WDR83: variants seen among roughly 807,000 people sequenced by gnomAD.
The protein encoded by WDR83 is WD repeat domain-containing protein 83.
In WDR83, 37 loss-of-function variants were observed where a neutral mutation model predicts 37.7. That is an observed-to-expected ratio of 0.98 (90% CI 0.76 to 1.29). The LOEUF (loss-of-function observed/expected upper bound fraction) is 1.29, where lower values mean the gene tolerates loss of function less well. Among genes scored for constraint, WDR83 ranks in the 50% most tolerant of loss-of-function variants. WDR83 has a pLI of 0.00. For missense variants in WDR83, 445 were observed against 414.4 expected (o/e 1.07, Z -0.64); for synonymous variants, 174 against 181.1 (o/e 0.96, Z 0.31).
chr19:12,668,028 C>T (rs528725641), intron 1 of WDR83: 29 of 285,946 alleles, frequency 1.0e-4, no homozygotes, highest in Non-Finnish European at 1.3e-4. Flanking sequence ...GAGCCCTTCC[C>T]GCCAGGTAGG....
chr19:12,669,441 G>A (rs1019477629), intron 2 of WDR83: 14 of 1,571,240 alleles, frequency 8.9e-6, no homozygotes, highest in Non-Finnish European at 1.0e-5. Context: ...TTCCGCTGCA[G>A]GAATCGCAGC....
chr19:12,669,830 C>T lies in WDR83; in HGVS notation c.40C>T (p.Pro14Ser), dbSNP rs897079522. Reference sequence around the variant, plus strand: ...GCCAAAGCCGCGGCCTCCAGAGCTGCCGCAGAAACGGTTGAAGACGCTGGA... The same window carrying T: ...GCCAAAGCCGCGGCCTCCAGAGCTGTCGCAGAAACGGTTGAAGACGCTGGA... ...PEPKPRPPEL[P>S]QKRLKTLDCG... Residue 14 changes from proline (P) to serine (S), a missense_variant, in exon 3 of 11, where the codon CCG becomes TCG. Pro to Ser is a moderately conservative substitution (Grantham distance 74, BLOSUM62 -1). Transcript: ENST00000418543. 48 of 1,612,006 alleles carry T rather than the reference C, an allele frequency of 3.0e-5. No individual in the cohort carries two copies. The highest frequency in any genetic ancestry group is 3.9e-5 in the Non-Finnish European group (46 of 1,178,992).
chr19:12,670,197 G>C lies in WDR83; in HGVS notation c.242G>C (p.Ser81Thr). The stretch of plus-strand genomic sequence containing the variant: ...TACTCCAGCTCCTTTGACAACAGTA[G>C]TCTCTGCTCCGGCGGCGGGGACAAG... Reference protein sequence around the residue: ...LDAAGSFDNSSLCSGGGDKAV... With the variant: ...LDAAGSFDNSTLCSGGGDKAV... Residue 81 changes from serine to threonine, a missense_variant, in exon 5 of 11, where the codon AGT (serine) becomes ACT (threonine). Coordinates refer to ENST00000418543, the MANE Select transcript of WDR83 (RefSeq NM_001099737.3). The C allele has an allele frequency of 6.2e-7, 1 of 1,614,070 alleles. No individual in the cohort carries two copies. Among genetic ancestry groups the C allele is most frequent in the Non-Finnish European group, 8.5e-7 (1 of 1,180,008 alleles).
intron 1 of WDR83, chr19:12,667,934 A>G (rs1321862857): frequency 1.1e-5 from 2 of 177,674 alleles, no homozygotes; most frequent in Admixed American, 1.1e-4. Context: ...CTAGCACCTG[A>G]CTTAAGACAC....
intron 5 of WDR83, 75 bp downstream of exon 5, chr19:12,670,360 C>T: frequency 4.6e-6 from 7 of 1,537,438 alleles, no homozygotes; most frequent in Non-Finnish European, 6.2e-6. Context: ...CACGGCCACC[C>T]CCATTACACC....
In WDR83 at chr19:12,670,266, A is replaced by C. The variant is rs1340098694; in HGVS notation, c.311A>C (p.Lys104Thr). Residue 104 changes from lysine to threonine, a missense_variant, in exon 5 of 11, where the codon AAA becomes ACA. Transcript: ENST00000418543. ...WDVASGQVVR[K>T]FRGHAGKVNT... ...GTGGCATCAGGGCAGGTCGTGCGCA[A>C]ATTCCGGGGCCACGCAGGGGTGAGT... is the stretch of plus-strand genomic sequence containing the variant. The C allele has an allele frequency of 6.2e-7, 1 of 1,614,038 alleles. No individual in the cohort carries two copies. Among genetic ancestry groups the C allele is most frequent in the Non-Finnish European group, 8.5e-7 (1 of 1,179,962 alleles).
At chr19:12,675,476 G>T in intron 10 of WDR83, 47 bp from the exon 11 acceptor site, 1 of 1,583,812 alleles carries the variant, frequency 6.3e-7, no homozygotes, top group Non-Finnish European at 8.6e-7. Context: ...CAGAAACCAG[G>T]GTACAGCCCA....
chr19:12,670,232 C>A lies in WDR83; in HGVS notation c.277C>A (p.Leu93Met), dbSNP rs1486878897. 1 of 1,614,122 alleles carries A rather than the reference C, an allele frequency of 6.2e-7. No homozygotes were observed. Among genetic ancestry groups the A allele is most frequent in the African/African-American group, 1.3e-5 (1 of 75,032 alleles). Residue 93 changes from leucine (L) to methionine (M), a missense_variant, in exon 5 of 11, where the codon CTG (leucine) becomes ATG (methionine). By Grantham distance (15) the Leu-to-Met change is conservative (BLOSUM62 2). Coordinates refer to ENST00000418543, the MANE Select transcript of WDR83 (RefSeq NM_001099737.3). ...CGGCGGCGGGGACAAGGCGGTGGTT[C>A]TGTGGGATGTGGCATCAGGGCAGGT... ...CSGGGDKAVVLWDVASGQVVR... is the reference protein window; with the variant it reads ...CSGGGDKAVVMWDVASGQVVR...
At position 12,670,244 on chromosome 19, in the gene WDR83, G is replaced by C; in HGVS notation, c.289G>C (p.Ala97Pro). 6.2e-7 allele frequency: 1 copy of C among 1,614,104 alleles called. No individual in the cohort carries two copies. Among genetic ancestry groups the C allele is most frequent in the South Asian group, 1.1e-5 (1 of 91,066 alleles). Residue 97 changes from alanine (A) to proline (P), a missense_variant, in exon 5 of 11, where the codon GCA becomes CCA. By Grantham distance (27) the Ala-to-Pro change is conservative (BLOSUM62 -1). Transcript: ENST00000418543. ...CAAGGCGGTGGTTCTGTGGGATGTG[G>C]CATCAGGGCAGGTCGTGCGCAAATT... ...GDKAVVLWDV[A>P]SGQVVRKFRG...
In WDR83 at chr19:12,675,823, T is replaced by C. The variant is rs2024561668; in HGVS notation, c.*151T>C. ...AATAGAAGAGGGGGTAAGACCTTCC[T>C]GGGACCGCAGCCGCTCAGTCCTCGT... On this transcript the variant is annotated 3_prime_UTR_variant, in exon 11 of 11. Coordinates refer to ENST00000418543, the MANE Select transcript of WDR83 (RefSeq NM_001099737.3). 4 of 1,579,316 alleles carry C rather than the reference T, an allele frequency of 2.5e-6. No individual in the cohort carries two copies. The highest frequency in any genetic ancestry group is 2.2e-5 in the East Asian group (1 of 44,458).
rs1213928098 is a variant in WDR83 at position 12,669,814 on chromosome 19, G to A, written c.24G>A (p.Pro8=). 1 of 1,609,872 alleles carries A rather than the reference G, an allele frequency of 6.2e-7. No homozygotes were observed. The highest frequency in any genetic ancestry group is 1.3e-5 in the African/African-American group (1 of 74,796). ...GCATGGCTTTCCCTGAGCCAAAGCC[G>A]CGGCCTCCAGAGCTGCCGCAGAAAC... MAFPEPK[P]RPPELPQKRL... Residue 8 remains proline, a synonymous_variant, in exon 3 of 11, where the codon CCG becomes CCA. Coordinates refer to ENST00000418543, the MANE Select transcript of WDR83 (RefSeq NM_001099737.3).
rs761639957 is a variant in WDR83 at position 12,675,753 on chromosome 19, T to C, written c.*81T>C. ...CAGATACCATCTTATTCTAGAGACG[T>C]AGCTGACCAAAAAGTAGGGGAGGGG... On this transcript the variant is annotated 3_prime_UTR_variant, in exon 11 of 11. Coordinates refer to ENST00000418543, the MANE Select transcript of WDR83 (RefSeq NM_001099737.3). 35 of 1,568,202 alleles carry C rather than the reference T, an allele frequency of 2.2e-5. No homozygotes were observed. The highest frequency in any genetic ancestry group is 2.4e-5 in the Non-Finnish European group (28 of 1,156,634).
At chr19:12,669,724 G>A in intron 2 of WDR83, 31 bp from the exon 3 acceptor site, 3 of 1,462,512 alleles carry the variant, frequency 2.1e-6, no homozygotes, top group Non-Finnish European at 2.8e-6. Flanking sequence ...ACCCAAGCGT[G>A]GGTTTCTAAG....
chr19:12,667,468 A>T (rs1471905807), intron 1 of WDR83, among the ~76,000 whole-genome samples: 2 of 152,082 alleles, frequency 1.3e-5, no homozygotes, highest in African/African-American at 2.4e-5. Flanking sequence ...AAAACACAAA[A>T]TTTGTAATTT....
intron 10 of WDR83, among the ~76,000 whole-genome samples, chr19:12,673,815 T>TCAGCCTCCTGAG (rs1198752680): frequency 1.3e-5 from 2 of 152,252 alleles, no homozygotes; most frequent in African/African-American, 4.8e-5. Flanking sequence ...TTCTCATGTC[T>TCAGCCTCCTGAG]CAGCCTCCTG....
chr19:12,673,184 G>A lies in WDR83; in HGVS notation c.684-18G>A, dbSNP rs575583725. The A allele has an allele frequency of 3.9e-5, 63 of 1,613,766 alleles. No individual in the cohort carries two copies. The highest frequency in any genetic ancestry group is 1.2e-4 in the Admixed American group (7 of 59,994). On this transcript the variant is annotated intron_variant, in intron 9 of 10. Coordinates refer to ENST00000418543, the MANE Select transcript of WDR83 (RefSeq NM_001099737.3). Reference sequence around the variant, plus strand: ...ACCCCTGGAGAGGACCAAGCCCCCCGATCCTGTCCACCCTTAGGTACAAGG... The same window carrying A: ...ACCCCTGGAGAGGACCAAGCCCCCCAATCCTGTCCACCCTTAGGTACAAGG...
At chr19:12,668,310 AG>A (rs1250208632) in intron 1 of WDR83, 197 bp from the exon 2 acceptor site, 1 of 1,570,132 alleles carries the variant, frequency 6.4e-7, no homozygotes, top group Non-Finnish European at 8.7e-7. Context: ...GCCAAAGCCC[AG>A]GCCTAGTGGA....
At chr19:12,673,402 G>A (rs1015048838) in intron 10 of WDR83, 86 bp downstream of exon 10, 3 of 631,120 alleles carry the variant, frequency 4.8e-6, no homozygotes, top group East Asian at 3.2e-5. Flanking sequence ...GGGCCTGAAG[G>A]CTAGGATCTT....
chr19:12,672,300 TG>T, intron 7 of WDR83: 1 of 176,728 alleles, frequency 5.7e-6, no homozygotes, highest in Non-Finnish European at 1.2e-5. Flanking sequence ...GAGGAGGAGC[TG>T]GAGAATGCAG....
Sources: gnomAD v4.1 joint callset for allele counts (sites outside exome capture counted in the v4.1 genomes callset) on GRCh38, gnomAD v4.1.1 for gene constraint, MANE v1.5 for transcripts, NCBI Gene and HGNC (gene_info 2026-07-23, HGNC 2026-07-21) for gene names.